ANKS1B: variants seen among roughly 807,000 people sequenced by gnomAD.
ANKS1B encodes ankyrin repeat and sterile alpha motif domain containing 1B.
ANKS1B carries 36 observed loss-of-function variants against 148.3 expected under a neutral mutation model. The observed-to-expected ratio is 0.24, with a 90% CI of 0.19 to 0.32. ANKS1B has a LOEUF of 0.32. ANKS1B is among the 10% of genes least tolerant of loss of function. The pLI is 1.00. For synonymous variants in ANKS1B, 542 were observed against 560.8 expected (o/e 0.97, Z 0.47); for missense variants, 1,157 against 1,542.6 (o/e 0.75, Z 4.19).
intron 17 of ANKS1B, among the ~76,000 whole-genome samples, chr12:99,016,217 T>A (rs1455789720): frequency 6.6e-6 from 1 of 152,190 alleles, no homozygotes; most frequent in African/African-American, 2.4e-5. Context: ...TTTGAGAAAA[T>A]TCTGTGTTAG....
At chr12:98,995,325 T>C (rs573509463) in intron 17 of ANKS1B, among the ~76,000 whole-genome samples, 1 of 152,296 alleles carries the variant, frequency 6.6e-6, no homozygotes, top group Non-Finnish European at 1.5e-5. Flanking sequence ...GCATGGTGGT[T>C]CACGCCTGTA....
chr12:99,659,111 C>A (rs1409502812), intron 8 of ANKS1B, among the ~76,000 whole-genome samples: 15 of 152,080 alleles, frequency 9.9e-5, no homozygotes, highest in Non-Finnish European at 1.5e-5. Context: ...TTAACTATTA[C>A]AAGTAGCTTT....
intron 17 of ANKS1B, among the ~76,000 whole-genome samples, chr12:98,966,919 T>G (rs1483149905): frequency 1.3e-5 from 2 of 150,408 alleles, no homozygotes. Context: ...GGGATAACAG[T>G]AGGAGATATA....
intron 1 of ANKS1B, among the ~76,000 whole-genome samples, chr12:99,904,334 G>C (rs932122176): frequency 6.6e-6 from 1 of 151,836 alleles, no homozygotes; most frequent in African/African-American, 2.4e-5. Flanking sequence ...TGGGATTACA[G>C]GCATGTGCCA....
intron 1 of ANKS1B, among the ~76,000 whole-genome samples, chr12:99,980,998 A>T (rs116374629): frequency 6.6e-6 from 1 of 152,080 alleles, no homozygotes; most frequent in Non-Finnish European, 1.5e-5. Flanking sequence ...CTAGGTGAGA[A>T]GTTGGAAGAA....
chr12:99,732,340 GC>G (rs2059242969), intron 8 of ANKS1B, among the ~76,000 whole-genome samples: 1 of 152,090 alleles, frequency 6.6e-6, no homozygotes, highest in African/African-American at 2.4e-5. Context: ...AGACTTACAT[GC>G]AAAGATTCAT....
In ANKS1B at chr12:99,799,654, G is replaced by A. The variant is rs78329689; in HGVS notation, c.669+6750C>T. Among the ~76,000 whole-genome samples, 1,134 of 152,124 alleles carry A rather than the reference G, an allele frequency of 7.5e-3. 15 individuals are homozygous for A. Among genetic ancestry groups the A allele is most frequent in the African/African-American group, 0.026 (1,087 of 41,522 alleles). On this transcript the variant is annotated intron_variant, in intron 4 of 26. Transcript: ENST00000683438. ...AAAAGTGAAAGAAAGGGAGTTGCTT[G>A]GGTAGTGAGTAAGGTAAGTAAAGGA... is the stretch of plus-strand genomic sequence containing the variant.
At chr12:99,784,212 C>T (rs1312041027) in intron 4 of ANKS1B, among the ~76,000 whole-genome samples, 2 of 144,798 alleles carry the variant, frequency 1.4e-5, no homozygotes, top group Non-Finnish European at 1.5e-5. Context: ...CGCTCTGTGG[C>T]GCAGGCTGGA....
chr12:99,092,670 C>T (rs1221129199), intron 15 of ANKS1B, among the ~76,000 whole-genome samples: 2 of 152,146 alleles, frequency 1.3e-5, no homozygotes, highest in Non-Finnish European at 2.9e-5. Context: ...CAAGCTCTTG[C>T]AAATGCCCTG....
At chr12:99,785,257 T>C (rs1391006741) in intron 4 of ANKS1B, among the ~76,000 whole-genome samples, 1 of 138,544 alleles carries the variant, frequency 7.2e-6, no homozygotes, top group East Asian at 2.0e-4. Context: ...TATCAGTAGG[T>C]CGTGTGTGTG....
At chr12:98,774,913 C>T (rs1216995673) in intron 24 of ANKS1B, among the ~76,000 whole-genome samples, 2 of 152,194 alleles carry the variant, frequency 1.3e-5, no homozygotes, top group Non-Finnish European at 2.9e-5. Flanking sequence ...AAACAAGTAA[C>T]ATTCTATTGC....
chr12:98,969,151 GC>G (rs1335659183), intron 17 of ANKS1B, among the ~76,000 whole-genome samples: 1 of 152,190 alleles, frequency 6.6e-6, no homozygotes, highest in Non-Finnish European at 1.5e-5. Context: ...GTGAAATGTA[GC>G]TTGGCTCTGT....
At chr12:99,914,718 T>TGC (rs1337865366) in intron 1 of ANKS1B, among the ~76,000 whole-genome samples, 2 of 151,816 alleles carry the variant, frequency 1.3e-5, no homozygotes, top group African/African-American at 2.4e-5. Flanking sequence ...GGGAGGGTGA[T>TGC]ATTTAGGGGG....
At chr12:99,954,808 C>CA (rs1028631843) in intron 1 of ANKS1B, among the ~76,000 whole-genome samples, 6 of 151,352 alleles carry the variant, frequency 4.0e-5, no homozygotes, top group Non-Finnish European at 5.9e-5. Context: ...CCGTCCCCAA[C>CA]AAAAAAAAAT....
In ANKS1B at chr12:99,543,704, CATAA is replaced by C. The variant is rs201914859; in HGVS notation, c.1273-39067_1273-39064del. Among the ~76,000 whole-genome samples, 566 of 152,116 alleles carry C rather than the reference CATAA, an allele frequency of 3.7e-3. 4 individuals are homozygous for C. The highest frequency in any genetic ancestry group is 0.013 in the African/African-American group (548 of 41,512). On this transcript the variant is annotated intron_variant, in intron 9 of 26. Transcript: ENST00000683438. ...CATTATGCTGTGATACATTCTACAA[CATAA>C]ATAAACTTTAAAAACATTATGCTAA...
intron 19 of ANKS1B, among the ~76,000 whole-genome samples, chr12:98,817,849 G>A (rs559795189): frequency 5.9e-5 from 9 of 152,202 alleles, no homozygotes; most frequent in African/African-American, 1.9e-4. Context: ...CTTCATGATC[G>A]TGACCTTCCC....
intron 1 of ANKS1B, among the ~76,000 whole-genome samples, chr12:99,875,890 CAGAAAATAATA>C (rs1399448558): frequency 6.6e-6 from 1 of 152,084 alleles, no homozygotes; most frequent in Non-Finnish European, 1.5e-5. Flanking sequence ...TATGTGAAAA[CAGAAAATAATA>C]AGGGCTAGGA....
chr12:99,351,300 A>T (rs2091393478), intron 12 of ANKS1B, among the ~76,000 whole-genome samples: 1 of 152,098 alleles, frequency 6.6e-6, no homozygotes, highest in Non-Finnish European at 1.5e-5. Context: ...AACTAACTAT[A>T]TACTAAAAAA....
chr12:99,444,185 TTAAA>T (rs1358147857), intron 10 of ANKS1B, among the ~76,000 whole-genome samples: 1 of 151,996 alleles, frequency 6.6e-6, no homozygotes, highest in African/African-American at 2.4e-5. Context: ...CAATAATCTC[TTAAA>T]TGAGTATTAA....
Sources: gnomAD v4.1 joint callset for allele counts (sites outside exome capture counted in the v4.1 genomes callset) on GRCh38, gnomAD v4.1.1 for gene constraint, MANE v1.5 for transcripts, NCBI Gene and HGNC (gene_info 2026-07-23, HGNC 2026-07-21) for gene names.